CNTNAP2: variants seen among roughly 807,000 people sequenced by gnomAD.
CNTNAP2 encodes the protein contactin-associated protein-like 2.
A neutral mutation model predicts 155.2 loss-of-function variants in CNTNAP2; 98 were observed. The ratio of observed to expected loss-of-function variants is 0.63; its 90% CI spans 0.54 to 0.75. The LOEUF (loss-of-function observed/expected upper bound fraction) is 0.75. Ranked by LOEUF, CNTNAP2 falls within the 30% of genes least tolerant of loss-of-function variation. CNTNAP2 has a pLI of 0.00. For synonymous variants in CNTNAP2, 651 were observed against 631.2 expected (o/e 1.03, Z -0.47); for missense variants, 1,727 against 1,688.1 (o/e 1.02, Z -0.40).
rs34144986 is a variant in CNTNAP2, at chr7:146,398,184, C to CTTTTTTTTTT, written c.97+281224_97+281233dup. Among the ~76,000 whole-genome samples the CTTTTTTTTTT allele has an allele frequency of 8.9e-4, 95 of 107,026 alleles. 4 individuals carry two copies. The highest frequency in any genetic ancestry group is 3.6e-3 in the African/African-American group (88 of 24,390). 70.2% of individuals were successfully genotyped at this position (107,026 alleles called of 152,430 possible). ...GTGAGCACCTATACCCGGCCCCAAA[C>CTTTTTTTTTT]TTTTTTTTTTTTTTTTTTTTTTAGC... On this transcript the variant is annotated intron_variant, in intron 1 of 23. Transcript: ENST00000361727.
At chr7:146,414,891 A>G (rs1428627875) in intron 1 of CNTNAP2, among the ~76,000 whole-genome samples, 1 of 152,168 alleles carries the variant, frequency 6.6e-6, no homozygotes, top group East Asian at 1.9e-4. Context: ...GCTAAATACT[A>G]TTTGAAAGAG....
chr7:146,495,372 G>T (rs2129132071), intron 1 of CNTNAP2, among the ~76,000 whole-genome samples: 1 of 152,226 alleles, frequency 6.6e-6, no homozygotes, highest in East Asian at 1.9e-4. Flanking sequence ...TCATGATGTG[G>T]GGGAGAGTTA....
intron 1 of CNTNAP2, among the ~76,000 whole-genome samples, chr7:146,753,380 AT>A (rs1324830593): frequency 2.6e-5 from 4 of 151,844 alleles, no homozygotes; most frequent in African/African-American, 4.8e-5. Flanking sequence ...TAAAAAAAAA[AT>A]GTAAGAATGG....
intron 21 of CNTNAP2, among the ~76,000 whole-genome samples, chr7:148,300,947 G>A (rs1797376456): frequency 6.6e-6 from 1 of 152,100 alleles, no homozygotes; most frequent in Admixed American, 6.5e-5. Context: ...GGGTGGTGGT[G>A]ATGGTGCACA....
chr7:148,037,085 T>C (rs1802584857), intron 15 of CNTNAP2, among the ~76,000 whole-genome samples: 1 of 152,204 alleles, frequency 6.6e-6, no homozygotes, highest in Admixed American at 6.5e-5. Context: ...GCTTTACTTT[T>C]CTCTTGTTAA....
At chr7:146,317,119 C>G (rs1800920613) in intron 1 of CNTNAP2, among the ~76,000 whole-genome samples, 1 of 152,126 alleles carries the variant, frequency 6.6e-6, no homozygotes, top group Non-Finnish European at 1.5e-5. Flanking sequence ...TATTCATATA[C>G]ATTTTAATAT....
intron 21 of CNTNAP2, among the ~76,000 whole-genome samples, chr7:148,307,511 T>C (rs1797510194): frequency 6.6e-6 from 1 of 152,212 alleles, no homozygotes; most frequent in Non-Finnish European, 1.5e-5. Flanking sequence ...AAAAAGGTTG[T>C]TATCATCCCC....
intron 4 of CNTNAP2, among the ~76,000 whole-genome samples, chr7:147,093,234 C>G (rs1409797215): frequency 7.4e-5 from 10 of 134,900 alleles, no homozygotes; most frequent in African/African-American, 3.0e-4. Context: ...GAGCGAGACT[C>G]CATCTCAAAA....
At chr7:147,083,067 T>C (rs538781277) in intron 4 of CNTNAP2, 12 of 152,276 alleles carry the variant, frequency 7.9e-5, no homozygotes, top group Middle Eastern at 3.4e-3. Context: ...CACATCCCCA[T>C]GTTTCATCCA....
chr7:147,883,836 T>C (rs774433801), intron 13 of CNTNAP2, among the ~76,000 whole-genome samples: 1 of 152,210 alleles, frequency 6.6e-6, no homozygotes, highest in Non-Finnish European at 1.5e-5. Flanking sequence ...AAATGTTTAT[T>C]AACCACCTAA....
In CNTNAP2 at chr7:147,012,833, C is replaced by A. The variant is rs537241399; in HGVS notation, c.403-31074C>A. On this transcript the variant is annotated intron_variant, in intron 3 of 23. Coordinates refer to ENST00000361727, the MANE Select transcript of CNTNAP2 (RefSeq NM_014141.6). ...AAGTGAAAGAGCTCCCCAATCCTGC[C>A]CAAAACTATGTAGATAAATAAATAA... Among the ~76,000 whole-genome samples the A allele has an allele frequency of 4.6e-5, 7 of 152,120 alleles. No individual in the cohort carries two copies. The East Asian group carries it at 1.4e-3, about 29-fold the overall frequency.
rs189084851 is a variant in CNTNAP2, at chr7:147,573,436, G to C, written c.1897+11179G>C. 2.2e-4 allele frequency among the ~76,000 whole-genome samples: 33 copies of C among 152,160 alleles called. No homozygotes were observed. In the East Asian group the frequency reaches 5.4e-3, roughly 25 times the overall value. ...TGTTATTCATGTTTTGCTTTTATGT[G>C]CATCCATGTTATTCTATCTTCACTG... is the stretch of plus-strand genomic sequence containing the variant. On this transcript the variant is annotated intron_variant, in intron 12 of 23. Transcript: ENST00000361727.
At chr7:147,202,440 T>C (rs1802940717) in intron 8 of CNTNAP2, among the ~76,000 whole-genome samples, 1 of 152,072 alleles carries the variant, frequency 6.6e-6, no homozygotes, top group Admixed American at 6.6e-5. Flanking sequence ...CTGAAGGGAA[T>C]ATAGGTTGCC....
intron 3 of CNTNAP2, among the ~76,000 whole-genome samples, chr7:147,022,574 A>G (rs1227514080): frequency 9.9e-5 from 15 of 151,212 alleles, no homozygotes; most frequent in Non-Finnish European, 1.5e-5. Flanking sequence ...GCACACATGT[A>G]TATGTACTAT....
chr7:147,664,121 A>G (rs917568247), intron 13 of CNTNAP2, among the ~76,000 whole-genome samples: 8 of 152,244 alleles, frequency 5.3e-5, no homozygotes, highest in African/African-American at 1.9e-4. Flanking sequence ...CATAGACTAG[A>G]TGGCTTAAAC....
In CNTNAP2 at chr7:146,217,512, C is replaced by T. The variant is rs145000324; in HGVS notation, c.97+100539C>T. Among the ~76,000 whole-genome samples, 688 of 152,184 alleles carry T rather than the reference C, an allele frequency of 4.5e-3. 7 individuals carry two copies. Among genetic ancestry groups the T allele is most frequent in the African/African-American group, 0.015 (627 of 41,518 alleles). On this transcript the variant is annotated intron_variant, in intron 1 of 23. Coordinates refer to ENST00000361727, the MANE Select transcript of CNTNAP2 (RefSeq NM_014141.6). Reference sequence around the variant, plus strand: ...AATGGGTCACTTATTATTATCCACACGTATTAATACTTAGAAGAAACCTGA... The same window carrying T: ...AATGGGTCACTTATTATTATCCACATGTATTAATACTTAGAAGAAACCTGA...
intron 12 of CNTNAP2, among the ~76,000 whole-genome samples, chr7:147,564,149 G>A (rs995867067): frequency 6.6e-6 from 1 of 152,066 alleles, no homozygotes; most frequent in African/African-American, 2.4e-5. Flanking sequence ...CAGTCTAAAA[G>A]AGTGAGACCT....
chr7:146,833,493 C>T lies in CNTNAP2; in HGVS notation c.209-6218C>T, dbSNP rs1027400798. ...GTCTGAAAGTGTACCTTACATTACT[C>T]GCCCGATGCCTGTGCCTGGCAGTGT... is the stretch of plus-strand genomic sequence containing the variant. On this transcript the variant is annotated intron_variant, in intron 2 of 23. Coordinates refer to ENST00000361727, the MANE Select transcript of CNTNAP2 (RefSeq NM_014141.6). 5.3e-5 allele frequency among the ~76,000 whole-genome samples: 8 copies of T among 152,244 alleles called. No individual in the cohort carries two copies. In the East Asian group the frequency reaches 9.7e-4, roughly 18 times the overall value.
At chr7:146,608,750 C>A (rs1322115266) in intron 1 of CNTNAP2, among the ~76,000 whole-genome samples, 1 of 152,032 alleles carries the variant, frequency 6.6e-6, no homozygotes, top group Non-Finnish European at 1.5e-5. Context: ...TGTTGATATT[C>A]CATTTCATTT....
Sources: gnomAD v4.1 joint callset for allele counts (sites outside exome capture counted in the v4.1 genomes callset) on GRCh38, gnomAD v4.1.1 for gene constraint, MANE v1.5 for transcripts, NCBI Gene and HGNC (gene_info 2026-07-23, HGNC 2026-07-21) for gene names.